The following RAD51B variants were observed in gnomAD, a reference collection of about 807,000 sequenced individuals.
RAD51B encodes the protein RAD51 paralog B, also known as DNA repair protein RAD51 homolog 2.
Under a neutral mutation model 42.2 loss-of-function variants are expected in RAD51B, and 38 were observed. That is an observed-to-expected ratio of 0.90 (90% CI 0.70 to 1.18). RAD51B has a LOEUF of 1.18. Ranked by LOEUF, RAD51B falls within the 50% of genes most tolerant of loss-of-function variation. The pLI is 0.00. For synonymous variants in RAD51B, 154 were observed against 145.2 expected (o/e 1.06, Z -0.43); for missense variants, 373 against 400.7 (o/e 0.93, Z 0.59).
At chr14:68,592,120 A>G (rs1288627613) in intron 10 of RAD51B, among the ~76,000 whole-genome samples, 2 of 151,704 alleles carry the variant, frequency 1.3e-5, no homozygotes, top group African/African-American at 2.4e-5. Flanking sequence ...GGAGGGGGGG[A>G]ATTGATGCTT....
chr14:68,638,900 C>G (rs1892398039), intron 10 of RAD51B, among the ~76,000 whole-genome samples: 1 of 152,122 alleles, frequency 6.6e-6, no homozygotes, highest in African/African-American at 2.4e-5. Flanking sequence ...GGACAGGATG[C>G]ACGTCGGGTA....
At chr14:68,416,305 A>G (rs926723991) in intron 9 of RAD51B, among the ~76,000 whole-genome samples, 2 of 152,204 alleles carry the variant, frequency 1.3e-5, no homozygotes, top group African/African-American at 2.4e-5. Flanking sequence ...CCCTGACACC[A>G]GCTGTGATCC....
intron 7 of RAD51B, among the ~76,000 whole-genome samples, chr14:68,020,025 A>C (rs1414232569): frequency 6.6e-6 from 1 of 152,174 alleles, no homozygotes; most frequent in East Asian, 1.9e-4. Flanking sequence ...GTACCCAGCT[A>C]AGCTTTGGGG....
intron 7 of RAD51B, among the ~76,000 whole-genome samples, chr14:67,900,242 G>A (rs891777559): frequency 6.6e-6 from 1 of 152,134 alleles, no homozygotes; most frequent in African/African-American, 2.4e-5. Flanking sequence ...TGCCTTTTAT[G>A]TGCCAGTGAA....
intron 10 of RAD51B, among the ~76,000 whole-genome samples, chr14:68,556,570 G>A (rs894297123): frequency 1.3e-5 from 2 of 152,204 alleles, no homozygotes; most frequent in African/African-American, 2.4e-5. Flanking sequence ...AGACTGAGGA[G>A]TCTTTTAAGA....
intron 7 of RAD51B, among the ~76,000 whole-genome samples, chr14:68,112,898 G>C (rs778887218): frequency 1.3e-5 from 2 of 152,034 alleles, no homozygotes; most frequent in Admixed American, 6.6e-5. Flanking sequence ...AACTTGCTAC[G>C]TAGAAAATTT....
chr14:68,073,711 G>A (rs534744220), intron 7 of RAD51B, among the ~76,000 whole-genome samples: 12 of 152,170 alleles, frequency 7.9e-5, no homozygotes, highest in Non-Finnish European at 1.6e-4. Flanking sequence ...CTTCTTGTAA[G>A]GCACATCACT....
intron 7 of RAD51B, among the ~76,000 whole-genome samples, chr14:68,110,416 C>T (rs1187262176): frequency 1.3e-5 from 2 of 151,962 alleles, no homozygotes; most frequent in African/African-American, 2.4e-5. Context: ...TCCCTTTCTC[C>T]ATCTGTCTCA....
chr14:68,335,062 C>T (rs1387861429), intron 8 of RAD51B, among the ~76,000 whole-genome samples: 11 of 149,760 alleles, frequency 7.3e-5, no homozygotes, highest in African/African-American at 2.7e-4. Flanking sequence ...TTTGTGGGGC[C>T]GAGGCAGGCA....
chr14:68,294,010 T>TACAC (rs958956143), intron 8 of RAD51B, among the ~76,000 whole-genome samples: 35 of 152,230 alleles, frequency 2.3e-4, no homozygotes, highest in Non-Finnish European at 1.9e-4. Flanking sequence ...TTATAATTAT[T>TACAC]ACACACACAC....
chr14:68,301,075 G>A (rs976700500), intron 8 of RAD51B, among the ~76,000 whole-genome samples: 2 of 152,298 alleles, frequency 1.3e-5, no homozygotes, highest in Non-Finnish European at 2.9e-5. Context: ...TGTGTGTGTT[G>A]AAGGTGGAGG....
At chr14:67,967,226 C>G (rs559823800) in intron 7 of RAD51B, among the ~76,000 whole-genome samples, 2 of 152,216 alleles carry the variant, frequency 1.3e-5, no homozygotes, top group South Asian at 4.1e-4. Flanking sequence ...CCACCAGGTC[C>G]CTCCCACAAC....
Position 68,439,079 on chromosome 14 carries a change from C to T in RAD51B, c.957+27552C>T, listed in dbSNP as rs1050582466. ...TTTACAATTTGCATTTCCCAGTCTCCCTTTCCATTGAGTCTGGTTAGTTTG... is the reference window on the plus strand; with the variant it reads ...TTTACAATTTGCATTTCCCAGTCTCTCTTTCCATTGAGTCTGGTTAGTTTG... On this transcript the variant is annotated intron_variant, in intron 9 of 10. Transcript: ENST00000471583. 1.8e-4 allele frequency among the ~76,000 whole-genome samples: 28 copies of T among 151,868 alleles called. 1 individual carries two copies. Among genetic ancestry groups the T allele is most frequent in the African/African-American group, 6.8e-4 (28 of 41,320 alleles).
chr14:68,542,978 A>G (rs770060207), intron 10 of RAD51B, among the ~76,000 whole-genome samples: 20 of 152,216 alleles, frequency 1.3e-4, no homozygotes, highest in Admixed American at 3.3e-4. Flanking sequence ...CTTCCAGCCA[A>G]CTGGAATGCC....
intron 9 of RAD51B, among the ~76,000 whole-genome samples, chr14:68,457,848 C>T (rs1450860994): frequency 2.1e-5 from 3 of 143,470 alleles, no homozygotes; most frequent in Admixed American, 7.1e-5. Flanking sequence ...CTCCTGACCT[C>T]GTGATACGCC....
intron 8 of RAD51B, among the ~76,000 whole-genome samples, chr14:68,325,035 G>A (rs1407194768): frequency 5.9e-5 from 9 of 152,154 alleles, no homozygotes; most frequent in Non-Finnish European, 1.3e-4. Context: ...AATTCCATTA[G>A]TGGAGTGAGG....
intron 7 of RAD51B, among the ~76,000 whole-genome samples, chr14:68,245,770 TG>T (rs1412341990): frequency 6.6e-6 from 1 of 152,102 alleles, no homozygotes; most frequent in Non-Finnish European, 1.5e-5. Flanking sequence ...TGTTCAAGAT[TG>T]GTATTAAAGT....
chr14:68,101,924 A>G (rs1434976213), intron 7 of RAD51B, among the ~76,000 whole-genome samples: 3 of 152,198 alleles, frequency 2.0e-5, no homozygotes, highest in Non-Finnish European at 4.4e-5. Context: ...TGGACATCCA[A>G]GTGTTTCCAT....
intron 8 of RAD51B, among the ~76,000 whole-genome samples, chr14:68,300,935 T>C (rs1272344126): frequency 1.3e-5 from 2 of 152,222 alleles, no homozygotes; most frequent in Non-Finnish European, 2.9e-5. Flanking sequence ...AGTGGAGAAC[T>C]CTGTGTCTGT....
Sources: allele counts gnomAD v4.1 joint callset (sites outside exome capture counted in the v4.1 genomes callset), GRCh38; gene constraint gnomAD v4.1.1; transcripts MANE v1.5; gene names NCBI Gene and HGNC (gene_info 2026-07-23, HGNC 2026-07-21).